The following NSUN6 variants were observed in gnomAD, a reference collection of about 807,000 sequenced individuals.
NSUN6 encodes the protein tRNA (cytosine(72)-C(5))-methyltransferase NSUN6.
Under a neutral mutation model 58.0 loss-of-function variants are expected in NSUN6, and 64 were observed. That is an observed-to-expected ratio of 1.10 (90% confidence interval 0.90 to 1.36). NSUN6 has a LOEUF of 1.36. Among genes scored for constraint, NSUN6 ranks in the 40% most tolerant of loss-of-function variants. NSUN6 has a pLI of 0.00. For synonymous variants in NSUN6, 231 were observed against 193.9 expected, an observed-to-expected ratio of 1.19 and a Z score of -1.59; for missense variants, 701 against 550.1, an observed-to-expected ratio of 1.27 and a Z score of -2.74.
chr10:18,633,875 G>A (rs1001776501), intron 3 of NSUN6, among the ~76,000 whole-genome samples: 5 of 152,136 alleles, frequency 3.3e-5, no homozygotes, highest in East Asian at 3.9e-4. Context: ...AGCCTTCCCC[G>A]CCCCCTGGAA....
rs776592874 is a variant in NSUN6, at chr10:18,618,128, G to GT, written c.312-1836dup. 3.9e-5 allele frequency among the ~76,000 whole-genome samples: 6 copies of GT among 152,294 alleles called. No individual in the cohort carries two copies. In the East Asian group the frequency reaches 7.7e-4, roughly 20 times the overall value. ...TCTAGTTCTGATAGGTTTTGTGGGC[G>GT]TATCTCCTGATGTTGGACACATATC... is the stretch of plus-strand genomic sequence containing the variant. On this transcript the variant is annotated intron_variant, in intron 3 of 10. Coordinates refer to ENST00000377304, the MANE Select transcript of NSUN6 (RefSeq NM_182543.5).
intron 9 of NSUN6, 132 bp downstream of exon 9, chr10:18,551,691 G>A: frequency 3.0e-6 from 2 of 675,150 alleles, no homozygotes; most frequent in South Asian, 2.1e-5. Context: ...CCATGTATCT[G>A]TCAACAGACT....
intron 7 of NSUN6, among the ~76,000 whole-genome samples, chr10:18,588,676 C>G (rs1439218168): frequency 6.6e-6 from 1 of 152,152 alleles, no homozygotes; most frequent in Non-Finnish European, 1.5e-5. Context: ...AGCAGACCTG[C>G]AGAAGAGAGG....
In NSUN6 at chr10:18,648,359, A is replaced by G. The variant is rs2059608560; in HGVS notation, c.231+131T>C. The G allele has an allele frequency of 8.9e-6, 5 of 559,414 alleles. No homozygotes were observed. In the South Asian group the frequency reaches 1.5e-4, roughly 16 times the overall value. The allele number at this position is 559,414 out of a possible 1,614,324, so 34.7% of individuals were successfully genotyped here. ...CACCTAGGATAACTTTGAAGAATTT[A>G]CCATTCATGGTCCTCAATCTCCTTA... On this transcript the variant is annotated intron_variant, in intron 2 of 10. Transcript: ENST00000377304.
chr10:18,564,958 TCATTCCATTCCATTCTC>T (rs1338586379), intron 8 of NSUN6, among the ~76,000 whole-genome samples: 19 of 147,892 alleles, frequency 1.3e-4, no homozygotes, highest in East Asian at 4.1e-4. Context: ...ATTCTATTCT[TCATTCCATTCCATTCTC>T]CATTCCATTC....
chr10:18,658,697 TTTCAGAACTAAGA>T (rs557183752), upstream of NSUN6: 1,385 of 978,614 alleles, frequency 1.4e-3, 7 homozygotes, highest in African/African-American at 0.015. Context: ...AATCAATTCT[TTTCAGAACTAAGA>T]ATCACGACAG....
intron 3 of NSUN6, among the ~76,000 whole-genome samples, chr10:18,619,719 T>A (rs942868315): frequency 5.9e-5 from 9 of 152,212 alleles, no homozygotes; most frequent in African/African-American, 2.2e-4. Context: ...AACTCGGAAA[T>A]ACTTTTCTAA....
At chr10:18,603,425 C>A (rs2057923470) in intron 6 of NSUN6, among the ~76,000 whole-genome samples, 2 of 152,072 alleles carry the variant, frequency 1.3e-5, no homozygotes, top group Middle Eastern at 3.4e-3. Flanking sequence ...GGTGGAGGTG[C>A]AAGAACAGCA....
intron 4 of NSUN6, 93 bp from the exon 5 acceptor site, chr10:18,614,706 A>ATCAATAG (rs2058350963): frequency 2.0e-6 from 1 of 498,978 alleles, no homozygotes; most frequent in Non-Finnish European, 3.3e-6. Context: ...CTCTAGAGGC[A>ATCAATAG]TCAATAGTGG....
At position 18,651,192 on chromosome 10, in the gene NSUN6, G is replaced by T; in HGVS notation, c.12C>A (p.Phe4Leu). 1.3e-6 allele frequency: 2 copies of T among 1,565,536 alleles called. No individual in the cohort carries two copies. Among genetic ancestry groups the T allele is most frequent in the Non-Finnish European group, 1.7e-6 (2 of 1,163,918 alleles). MSI[F>L]PKISLRPEVE... ...CCTCAGGTCTCAAAGATATCTTAGG[G>T]AAAATAGACATTTTTCCTGTTGTTT... Residue 4 changes from phenylalanine to leucine, a missense_variant, in exon 1 of 11, where the codon TTC (phenylalanine) becomes TTA (leucine). Coordinates refer to ENST00000377304, the MANE Select transcript of NSUN6 (RefSeq NM_182543.5).
intron 3 of NSUN6, among the ~76,000 whole-genome samples, chr10:18,633,177 A>G (rs1291671039): frequency 6.6e-6 from 1 of 150,510 alleles, no homozygotes; most frequent in Non-Finnish European, 1.5e-5. Flanking sequence ...AACACCGCAT[A>G]TTCTCACTCA....
chr10:18,641,005 C>T (rs948221170), intron 3 of NSUN6, among the ~76,000 whole-genome samples: 2 of 151,902 alleles, frequency 1.3e-5, no homozygotes, highest in African/African-American at 4.8e-5. Flanking sequence ...AATAAATATA[C>T]ATAAATCCAC....
At chr10:18,658,398 T>C (rs1488378805), upstream of NSUN6, 1 of 152,198 alleles carries the variant, frequency 6.6e-6, no homozygotes, top group African/African-American at 2.4e-5. Flanking sequence ...GAAGTCAGAG[T>C]CTAAAAAAAT....
intron 3 of NSUN6, among the ~76,000 whole-genome samples, chr10:18,627,253 C>G (rs918210034): frequency 6.6e-6 from 1 of 152,118 alleles, no homozygotes; most frequent in Admixed American, 6.5e-5. Context: ...TTCAGTGATG[C>G]ATTACTGTTA....
At chr10:18,620,551 C>T (rs1054565488) in intron 3 of NSUN6, among the ~76,000 whole-genome samples, 3 of 152,214 alleles carry the variant, frequency 2.0e-5, no homozygotes. Flanking sequence ...TCAGCAGCCA[C>T]CAATGTTTCA....
At chr10:18,589,251 C>A (rs11593617) in intron 7 of NSUN6, among the ~76,000 whole-genome samples, 1 of 152,000 alleles carries the variant, frequency 6.6e-6, no homozygotes. Flanking sequence ...ACAAAGCCTA[C>A]AAGAAATATG....
chr10:18,649,443 T>C (rs2059641095), intron 1 of NSUN6, among the ~76,000 whole-genome samples: 2 of 152,110 alleles, frequency 1.3e-5, no homozygotes, highest in Admixed American at 6.6e-5. Context: ...CTGGGCAACA[T>C]GGTGAAACCC....
chr10:18,566,093 T>A (rs1307668802), intron 8 of NSUN6, among the ~76,000 whole-genome samples: 2 of 151,836 alleles, frequency 1.3e-5, no homozygotes, highest in African/African-American at 4.8e-5. Flanking sequence ...TTTATTCTAT[T>A]CCATTCCACA....
rs2059690042 is a variant in NSUN6 at position 18,651,064 on chromosome 10, TTC to T, written c.75+63_75+64del. 5.1e-6 allele frequency: 8 copies of T among 1,559,070 alleles called. No individual in the cohort carries two copies. In the Middle Eastern group the frequency reaches 6.3e-4, roughly 124 times the overall value. ...GATTTCCCTTTATACTTATTTCTATTTCTCTCGAGTGTGCGAATATTTGAGTT... is the reference window on the plus strand; with the variant it reads ...GATTTCCCTTTATACTTATTTCTATTTCTCGAGTGTGCGAATATTTGAGTT... On this transcript the variant is annotated intron_variant, in intron 1 of 10. Transcript: ENST00000377304.
Sources: gnomAD v4.1 joint callset for allele counts (sites outside exome capture counted in the v4.1 genomes callset) on GRCh38, gnomAD v4.1.1 for gene constraint, MANE v1.5 for transcripts, NCBI Gene and HGNC (gene_info 2026-07-23, HGNC 2026-07-21) for gene names.